The following ATAD2B variants were observed in gnomAD, a reference collection of about 807,000 sequenced individuals.
The protein encoded by ATAD2B is ATPase family AAA domain containing 2B, also known as ATPase family AAA domain-containing protein 2B.
ATAD2B carries 40 observed loss-of-function variants against 167.6 expected under a neutral mutation model. The ratio of observed to expected loss-of-function variants is 0.24; its 90% CI spans 0.19 to 0.31. The LOEUF (loss-of-function observed/expected upper bound fraction) is 0.31, where lower values mean the gene tolerates loss of function less well. ATAD2B is among the 10% of genes least tolerant of loss of function. The pLI is 1.00. For synonymous variants in ATAD2B, 579 were observed against 596.5 expected, an observed-to-expected ratio of 0.97 and a Z score of 0.43; for missense variants, 1,242 against 1,757.2, an observed-to-expected ratio of 0.71 and a Z score of 5.24.
In ATAD2B at chr2:23,875,924, T is replaced by A. The variant is rs1339148666; in HGVS notation, c.902-20A>T. 1 of 1,519,398 alleles carries A rather than the reference T, an allele frequency of 6.6e-7. No individual in the cohort carries two copies. Among genetic ancestry groups the A allele is most frequent in the Admixed American group, 1.8e-5 (1 of 55,576 alleles). 94.1% of individuals were successfully genotyped at this position (1,519,398 alleles called of 1,614,324 possible). ...CTGGTACTAAAAGGGAAGAAAAGGATAATAGAGAAATAACTAATAAATTGA... is the reference window on the plus strand; with the variant it reads ...CTGGTACTAAAAGGGAAGAAAAGGAAAATAGAGAAATAACTAATAAATTGA... On this transcript the variant is annotated intron_variant, in intron 7 of 27. Coordinates refer to ENST00000238789, the MANE Select transcript of ATAD2B (RefSeq NM_017552.4).
chr2:23,816,055 G>A (rs1686392194), intron 17 of ATAD2B, among the ~76,000 whole-genome samples: 1 of 152,118 alleles, frequency 6.6e-6, no homozygotes, highest in African/African-American at 2.4e-5. Flanking sequence ...TTGAATGAGT[G>A]AATGAATATA....
intron 24 of ATAD2B, among the ~76,000 whole-genome samples, chr2:23,760,691 T>TATATATAC (rs1491358928): frequency 5.5e-5 from 5 of 90,124 alleles, no homozygotes; most frequent in Non-Finnish European, 1.0e-4. Context: ...TAAATAAATT[T>TATATATAC]ATATATATAC....
intron 1 of ATAD2B, among the ~76,000 whole-genome samples, chr2:23,920,635 ATAGT>A (rs375134730): frequency 2.0e-5 from 3 of 152,280 alleles, no homozygotes; most frequent in East Asian, 1.9e-4. Context: ...GCCTACTCTA[ATAGT>A]TAGAGGAGAA....
chr2:23,822,941 A>AAAAAAG, intron 16 of ATAD2B, among the ~76,000 whole-genome samples: 1 of 144,980 alleles, frequency 6.9e-6, no homozygotes, highest in South Asian at 2.3e-4. Flanking sequence ...AAAAAAAAAA[A>AAAAAAG]GGATTAGTAA....
intron 15 of ATAD2B, among the ~76,000 whole-genome samples, chr2:23,826,888 C>T (rs937261112): frequency 6.6e-6 from 1 of 152,104 alleles, no homozygotes; most frequent in Non-Finnish European, 1.5e-5. Context: ...TTGGGAATTT[C>T]AAGGTAAAAG....
At chr2:23,729,637 T>C in the ATAD2B span, among the ~76,000 whole-genome samples, 1 of 152,160 alleles carries the variant, frequency 6.6e-6, no homozygotes, top group South Asian at 2.1e-4. Context: ...CTAAATTTGT[T>C]GTAATTTTGA....
intron 13 of ATAD2B, among the ~76,000 whole-genome samples, chr2:23,839,623 T>C (rs1019492764): frequency 9.2e-5 from 14 of 152,266 alleles, no homozygotes; most frequent in African/African-American, 2.9e-4. Context: ...TTTTTATATC[T>C]TCCTGATGTA....
intron 15 of ATAD2B, among the ~76,000 whole-genome samples, chr2:23,823,964 A>G (rs1451483266): frequency 1.3e-5 from 2 of 151,930 alleles, no homozygotes; most frequent in Admixed American, 1.3e-4. Context: ...AATAAACAAG[A>G]GACAGGGGTC....
At chr2:23,815,278 A>C (rs1271666500) in intron 17 of ATAD2B, among the ~76,000 whole-genome samples, 1 of 152,190 alleles carries the variant, frequency 6.6e-6, no homozygotes, top group East Asian at 1.9e-4. Flanking sequence ...GTTCAACAAG[A>C]ATAGTGTTAG....
the ATAD2B span, among the ~76,000 whole-genome samples, chr2:23,687,809 G>A: frequency 6.6e-6 from 1 of 152,214 alleles, no homozygotes; most frequent in South Asian, 2.1e-4. Flanking sequence ...GGCCGGGTAT[G>A]AGGGTGGCTT....
chr2:23,696,202 G>T, the ATAD2B span: 1 of 1,502,694 alleles, frequency 6.7e-7, no homozygotes, highest in Non-Finnish European at 9.0e-7. The surrounding 1 kb of genome is among the most constrained non-coding windows in gnomAD (Gnocchi z 5.5). Flanking sequence ...CCACGTCAGG[G>T]CTGAGGAAGG....
At chr2:23,761,108 A>C (rs1676687732) in intron 24 of ATAD2B, among the ~76,000 whole-genome samples, 1 of 152,234 alleles carries the variant, frequency 6.6e-6, no homozygotes, top group South Asian at 2.1e-4. Flanking sequence ...AAAGAATTTC[A>C]AAGTTTAAAT....
At chr2:23,847,473 C>G (rs1224867015) in intron 13 of ATAD2B, among the ~76,000 whole-genome samples, 1 of 151,738 alleles carries the variant, frequency 6.6e-6, no homozygotes, top group African/African-American at 2.4e-5. Flanking sequence ...CCACTGCACT[C>G]CAGCCTGGGC....
At chr2:23,829,790 T>C (rs538488249) in intron 14 of ATAD2B, among the ~76,000 whole-genome samples, 1 of 152,214 alleles carries the variant, frequency 6.6e-6, no homozygotes, top group Non-Finnish European at 1.5e-5. Flanking sequence ...TATTATTACT[T>C]TGTCAGTTAG....
At chr2:23,844,800 A>G (rs926544154) in intron 13 of ATAD2B, among the ~76,000 whole-genome samples, 4 of 152,158 alleles carry the variant, frequency 2.6e-5, no homozygotes. Flanking sequence ...AGGAGACAGG[A>G]GGTGGGGACG....
At chr2:23,758,828 T>A (rs1676272203) in intron 24 of ATAD2B, among the ~76,000 whole-genome samples, 1 of 152,084 alleles carries the variant, frequency 6.6e-6, no homozygotes, top group African/African-American at 2.4e-5. Flanking sequence ...ACACTGAAAA[T>A]AAATACTTGG....
chr2:23,822,943 G>A (rs1025460448), intron 16 of ATAD2B, among the ~76,000 whole-genome samples: 119 of 125,252 alleles, frequency 9.5e-4, no homozygotes, highest in Non-Finnish European at 1.7e-3. Context: ...AAAAAAAAAG[G>A]ATTAGTAAGT....
intron 1 of ATAD2B, among the ~76,000 whole-genome samples, chr2:23,922,493 AT>A (rs1342964829): frequency 2.0e-5 from 3 of 152,074 alleles, no homozygotes; most frequent in Non-Finnish European, 4.4e-5. Context: ...GGAAAAAAAA[AT>A]AAGAAAATTT....
intron 1 of ATAD2B, among the ~76,000 whole-genome samples, chr2:23,897,552 C>T (rs1158909402): frequency 1.3e-5 from 2 of 152,124 alleles, no homozygotes; most frequent in Non-Finnish European, 2.9e-5. Flanking sequence ...AACCTGTCCC[C>T]CCAAATTCAT....
Sources: allele counts gnomAD v4.1 joint callset (sites outside exome capture counted in the v4.1 genomes callset), GRCh38; gene constraint gnomAD v4.1.1; non-coding constraint Gnocchi (gnomAD v3.1); transcripts MANE v1.5; gene names NCBI Gene and HGNC (gene_info 2026-07-23, HGNC 2026-07-21).